Variants in GPHN observed in about 807,000 individuals in gnomAD.
The protein encoded by GPHN is gephyrin.
Under a neutral mutation model 95.5 loss-of-function variants are expected in GPHN, and 17 were observed. The ratio of observed to expected loss-of-function variants is 0.18; its 90% CI spans 0.12 to 0.27. The LOEUF is 0.27. Among genes scored for constraint, GPHN ranks in the 10% least tolerant of loss-of-function variants. GPHN has a pLI of 1.00. For missense variants in GPHN, 660 were observed against 978.1 expected, an observed-to-expected ratio of 0.67 and a Z score of 4.34; for synonymous variants, 320 against 322.5, an observed-to-expected ratio of 0.99 and a Z score of 0.08.
intron 2 of GPHN, among the ~76,000 whole-genome samples, chr14:66,738,467 T>C (rs1230094553): frequency 6.6e-6 from 1 of 152,190 alleles, no homozygotes; most frequent in African/African-American, 2.4e-5. Flanking sequence ...TATTTTAGAC[T>C]AAGATCTGAA....
At chr14:67,108,745 GT>G (rs1419816221) in intron 13 of GPHN, among the ~76,000 whole-genome samples, 28 of 151,290 alleles carry the variant, frequency 1.9e-4, no homozygotes, top group Non-Finnish European at 2.8e-4. Context: ...GTGTGTGTGT[GT>G]GTGTGTGGTT....
chr14:67,208,581 A>C, the GPHN span: 2 of 992,220 alleles, frequency 2.0e-6, no homozygotes, highest in Non-Finnish European at 2.9e-6. Flanking sequence ...TAACTGAATG[A>C]TGATATAGTC....
At chr14:67,645,447 G>A in the GPHN span, among the ~76,000 whole-genome samples, 8 of 152,246 alleles carry the variant, frequency 5.3e-5, no homozygotes, top group South Asian at 1.0e-3. Context: ...CACCAGCTTC[G>A]AATCTCTAGG....
At chr14:67,542,138 A>G in the GPHN span, 1 of 785,236 alleles carries the variant, frequency 1.3e-6, no homozygotes, top group Non-Finnish European at 1.9e-6. Flanking sequence ...AGGTAGTTTA[A>G]GACCAAAGTC....
At chr14:66,637,699 C>T (rs181059215) in intron 1 of GPHN, among the ~76,000 whole-genome samples, 44 of 152,134 alleles carry the variant, frequency 2.9e-4, no homozygotes, top group Non-Finnish European at 5.7e-4. Flanking sequence ...AAATCAAAAT[C>T]ATGTGTATTA....
At chr14:66,509,966 C>T (rs951670188) in intron 1 of GPHN, among the ~76,000 whole-genome samples, 2 of 152,138 alleles carry the variant, frequency 1.3e-5, no homozygotes, top group Non-Finnish European at 2.9e-5. Flanking sequence ...AAAGGATTGC[C>T]TTTCCCTGGT....
At chr14:67,076,049 T>C (rs551422917) in intron 11 of GPHN, among the ~76,000 whole-genome samples, 3 of 152,290 alleles carry the variant, frequency 2.0e-5, no homozygotes, top group South Asian at 2.1e-4. Context: ...TACAGAGATA[T>C]CTTTCATGAA....
chr14:66,531,188 C>T (rs1055525392), intron 1 of GPHN, among the ~76,000 whole-genome samples: 1 of 152,068 alleles, frequency 6.6e-6, no homozygotes, highest in Non-Finnish European at 1.5e-5. Context: ...TCAGGTGATC[C>T]ACCCGCCTTA....
chr14:66,545,552 G>C (rs2059539024), intron 1 of GPHN, among the ~76,000 whole-genome samples: 1 of 119,270 alleles, frequency 8.4e-6, no homozygotes, highest in Non-Finnish European at 1.6e-5. Context: ...GGCTGGCCGG[G>C]CGGGGGGCTG....
the GPHN span, chr14:67,340,186 TA>T: frequency 3.0e-3 from 1,144 of 386,338 alleles, no homozygotes; most frequent in Middle Eastern, 6.7e-3. Context: ...AACATATATT[TA>T]AAAAAAAAAT....
At chr14:67,468,660 G>A in the GPHN span, among the ~76,000 whole-genome samples, 12 of 152,134 alleles carry the variant, frequency 7.9e-5, no homozygotes, top group Admixed American at 3.3e-4. Flanking sequence ...TTGGGAGGCC[G>A]AGGCGGGTGG....
the GPHN span, among the ~76,000 whole-genome samples, chr14:67,413,957 G>A: frequency 3.5e-4 from 53 of 152,334 alleles, no homozygotes; most frequent in Admixed American, 8.5e-4. Flanking sequence ...CAGCTCCAGG[G>A]CATTGCAAAT....
the GPHN span, chr14:67,204,695 T>A: frequency 6.2e-7 from 1 of 1,613,940 alleles, no homozygotes; most frequent in Non-Finnish European, 8.5e-7. Flanking sequence ...CTCATCTCCC[T>A]CTTGAATCAG....
In GPHN at chr14:66,993,233, T is replaced by A. The variant is rs115750132; in HGVS notation, c.963+27908T>A. Among the ~76,000 whole-genome samples the A allele has an allele frequency of 3.8e-3, 576 of 151,998 alleles. 6 individuals carry two copies. Among genetic ancestry groups the A allele is most frequent in the African/African-American group, 0.013 (560 of 41,518 alleles). The stretch of plus-strand genomic sequence containing the variant: ...TTTATTGTCTTCTCTAGCTATTCTC[T>A]CTCTCTCTTCACATAGATTTCCCCC... On this transcript the variant is annotated intron_variant, in intron 9 of 22. Coordinates refer to ENST00000478722, the MANE Select transcript of GPHN (RefSeq NM_020806.5).
the GPHN span, among the ~76,000 whole-genome samples, chr14:67,480,448 G>C: frequency 6.6e-6 from 1 of 152,186 alleles, no homozygotes; most frequent in Non-Finnish European, 1.5e-5. Context: ...GGGTGTCAGA[G>C]CCAGCCCGAG....
At chr14:67,559,527 C>T in the GPHN span, 1 of 963,364 alleles carries the variant, frequency 1.0e-6, no homozygotes, top group African/African-American at 1.6e-5. Flanking sequence ...CACACTTGGC[C>T]TTTCTTGGGG....
intron 3 of GPHN, among the ~76,000 whole-genome samples, chr14:66,788,705 G>A (rs918723575): frequency 2.0e-5 from 3 of 152,122 alleles, no homozygotes; most frequent in Non-Finnish European, 4.4e-5. Context: ...TGCCCAGGCT[G>A]GAGTGAAATG....
At position 66,776,640 on chromosome 14, in the gene GPHN, A is replaced by G. The variant is rs2059391900; in HGVS notation, c.201+119A>G. ...TATGTTAGAATATTATTTAATTCTC[A>G]GTTATCATAGTGAATTAAAAATTTA... On this transcript the variant is annotated intron_variant, in intron 3 of 22. Coordinates refer to ENST00000478722, the MANE Select transcript of GPHN (RefSeq NM_020806.5). 6.8e-6 allele frequency: 5 copies of G among 739,406 alleles called. No homozygotes were observed. The Admixed American group carries it at 9.7e-5, about 14-fold the overall frequency. 45.8% of individuals were successfully genotyped at this position (739,406 alleles called of 1,614,324 possible). A position where few individuals can be genotyped will look rare whatever the true frequency, so the allele number is the denominator to read the frequency against.
At chr14:66,632,278 A>G (rs2063848891) in intron 1 of GPHN, among the ~76,000 whole-genome samples, 1 of 152,132 alleles carries the variant, frequency 6.6e-6, no homozygotes, top group Non-Finnish European at 1.5e-5. Context: ...AAAAGCTCAT[A>G]GTTGTTTTTG....
Sources: allele counts gnomAD v4.1 joint callset (sites outside exome capture counted in the v4.1 genomes callset), GRCh38; gene constraint gnomAD v4.1.1; transcripts MANE v1.5; gene names NCBI Gene and HGNC (gene_info 2026-07-23, HGNC 2026-07-21).